Variants in TMEM178A observed in about 807,000 individuals in gnomAD.
TMEM178A encodes the protein transmembrane protein 178A.
In TMEM178A, 12 loss-of-function variants were observed where a neutral mutation model predicts 29.1. That is an observed-to-expected ratio of 0.41 (90% CI 0.26 to 0.67). TMEM178A has a LOEUF of 0.67. Among genes scored for constraint, TMEM178A ranks in the 30% least tolerant of loss-of-function variants. TMEM178A has a pLI of 0.29. For missense variants in TMEM178A, 366 were observed against 419.1 expected (o/e 0.87, Z 1.11); for synonymous variants, 210 against 187.2 (o/e 1.12, Z -0.99).
At chr2:39,710,420 C>T (rs1297091599) in intron 3 of TMEM178A, among the ~76,000 whole-genome samples, 1 of 152,034 alleles carries the variant, frequency 6.6e-6, no homozygotes, top group Non-Finnish European at 1.5e-5. Context: ...TGGACCAAAT[C>T]TTGCCATGTA....
chr2:39,714,467 G>T (rs1310738730), intron 3 of TMEM178A, among the ~76,000 whole-genome samples: 1 of 152,168 alleles, frequency 6.6e-6, no homozygotes, highest in African/African-American at 2.4e-5. Context: ...AGTGAGATTA[G>T]AAGCCAAAAG....
chr2:39,673,260 T>C (rs2540254), intron 1 of TMEM178A, among the ~76,000 whole-genome samples: 1 of 152,256 alleles, frequency 6.6e-6, no homozygotes, highest in East Asian at 1.9e-4. Context: ...CTGCACCCCA[T>C]CTTTCTTGCA....
intron 3 of TMEM178A, among the ~76,000 whole-genome samples, chr2:39,711,815 G>A (rs985849736): frequency 3.3e-5 from 5 of 152,046 alleles, no homozygotes; most frequent in African/African-American, 9.7e-5. Flanking sequence ...AGAGTAACAC[G>A]GTGCATATAT....
intron 1 of TMEM178A, among the ~76,000 whole-genome samples, chr2:39,677,538 G>A (rs1159854304): frequency 1.3e-5 from 2 of 152,164 alleles, no homozygotes; most frequent in East Asian, 3.8e-4. Flanking sequence ...ACTCATGTCT[G>A]TATTGGGCTT....
At chr2:39,723,184 G>A in the TMEM178A span, among the ~76,000 whole-genome samples, 1 of 152,202 alleles carries the variant, frequency 6.6e-6, no homozygotes, top group Non-Finnish European at 1.5e-5. Flanking sequence ...ACTTGCTTTA[G>A]AAACCTAGCC....
intron 1 of TMEM178A, among the ~76,000 whole-genome samples, chr2:39,672,627 A>G (rs998217173): frequency 6.6e-6 from 1 of 152,004 alleles, no homozygotes; most frequent in Admixed American, 6.5e-5. Flanking sequence ...GGCTCAGGTT[A>G]TCAGGTGATC....
chr2:39,716,015 C>T (rs1054348384), intron 3 of TMEM178A, among the ~76,000 whole-genome samples: 2 of 152,066 alleles, frequency 1.3e-5, no homozygotes, highest in Non-Finnish European at 2.9e-5. Context: ...CCTAAGGATG[C>T]CAAAGGAATT....
At chr2:39,681,238 T>C (rs536428890) in intron 1 of TMEM178A, among the ~76,000 whole-genome samples, 7 of 152,328 alleles carry the variant, frequency 4.6e-5, no homozygotes, top group Non-Finnish European at 7.3e-5. Flanking sequence ...GACCTGTTTT[T>C]ACTTAAATCC....
In TMEM178A at chr2:39,717,412, T is replaced by C; in HGVS notation, c.*161T>C. 9.6e-7 allele frequency: 1 copy of C among 1,036,962 alleles called. No individual in the cohort carries two copies. Among genetic ancestry groups the C allele is most frequent in the Non-Finnish European group, 1.4e-6 (1 of 739,836 alleles). 64.2% of individuals were successfully genotyped at this position (1,036,962 alleles called of 1,614,324 possible). On this transcript the variant is annotated 3_prime_UTR_variant, in exon 4 of 4. Transcript: ENST00000281961. ...ATCATGCAAAACCTCCCAACCTTTC[T>C]AAGGACAAGACTACTGTGGATTCAA...
intron 1 of TMEM178A, among the ~76,000 whole-genome samples, chr2:39,698,356 G>C (rs891074032): frequency 6.6e-6 from 1 of 152,100 alleles, no homozygotes; most frequent in Non-Finnish European, 1.5e-5. Flanking sequence ...TAGCTCACAG[G>C]GTTGTTGATG....
chr2:39,717,070 G>A lies in TMEM178A; in HGVS notation c.713G>A (p.Arg238Gln). The change falls in exon 4 of 4, where the codon CGG becomes CAG. Residue 238 changes from arginine (R) to glutamine (Q), a missense_variant. By Grantham distance (43) the Arg-to-Gln change is conservative. Coordinates refer to ENST00000281961, the MANE Select transcript of TMEM178A (RefSeq NM_152390.3). ...YAASISYDLNRLPKLIYSLPA... is the reference protein window; with the variant it reads ...YAASISYDLNQLPKLIYSLPA... ...GCCAGTATCTCGTATGATTTGAACC[G>A]GCTCCCAAAGCTAATTTATAGCCTG... The A allele has an allele frequency of 6.2e-7, 1 of 1,610,342 alleles. No individual in the cohort carries two copies. Among genetic ancestry groups the A allele is most frequent in the Non-Finnish European group, 8.5e-7 (1 of 1,179,390 alleles).
Position 39,666,306 on chromosome 2 carries a change from A to T in TMEM178A, c.332A>T (p.Tyr111Phe). 6.9e-7 allele frequency: 1 copy of T among 1,439,766 alleles called. No homozygotes were observed. The highest frequency in any genetic ancestry group is 1.4e-5 in the South Asian group (1 of 72,722). The allele number at this position is 1,439,766 out of a possible 1,614,324, so 89.2% of individuals were successfully genotyped here. Residue 111 changes from tyrosine (Y) to phenylalanine (F), a missense_variant, in exon 1 of 4, where the codon TAC (tyrosine) becomes TTC (phenylalanine). This residue lies in a region of TMEM178A where 247 missense variants were observed against 246.8 expected (regional missense o/e 1.00). Transcript: ENST00000281961. ...AECGRPLFAT[Y>F]SGLWRKCYFL... is the part of the protein sequence containing the mutation. Reference sequence around the variant, plus strand: ...TGCGGCCGGCCCCTCTTCGCCACCTACTCGGGCCTCTGGAGGAAGTGCTAC... The same window carrying T: ...TGCGGCCGGCCCCTCTTCGCCACCTTCTCGGGCCTCTGGAGGAAGTGCTAC...
chr2:39,674,483 G>T (rs74525440), intron 1 of TMEM178A, among the ~76,000 whole-genome samples: 2,979 of 152,274 alleles, frequency 0.02, 104 homozygotes, highest in African/African-American at 0.068. Context: ...AAAGGCATAA[G>T]AATGATACAA....
intron 3 of TMEM178A, among the ~76,000 whole-genome samples, chr2:39,710,351 C>T (rs1400814773): frequency 6.6e-6 from 1 of 152,138 alleles, no homozygotes; most frequent in African/African-American, 2.4e-5. Flanking sequence ...AGGGGGAATC[C>T]ACTTACAGAC....
chr2:39,696,777 G>C (rs943812014), intron 1 of TMEM178A, among the ~76,000 whole-genome samples: 7 of 152,108 alleles, frequency 4.6e-5, no homozygotes, highest in Non-Finnish European at 7.4e-5. Context: ...AAATTCACCA[G>C]GCAAAAAGCT....
chr2:39,724,943 CAAAT>C, the TMEM178A span, among the ~76,000 whole-genome samples: 1 of 152,158 alleles, frequency 6.6e-6, no homozygotes, highest in African/African-American at 2.4e-5. Context: ...ACATGTTTCT[CAAAT>C]AAACTGGACT....
downstream of TMEM178A, among the ~76,000 whole-genome samples, chr2:39,721,645 A>T (rs1486968124): frequency 6.6e-6 from 1 of 152,118 alleles, no homozygotes; most frequent in Non-Finnish European, 1.5e-5. Context: ...TTACTCTGGT[A>T]ATTGAAAACA....
At position 39,711,334 on chromosome 2, in the gene TMEM178A, T is replaced by C. The variant is rs553434575; in HGVS notation, c.652+4148T>C. 5.3e-5 allele frequency among the ~76,000 whole-genome samples: 8 copies of C among 152,362 alleles called. No homozygotes were observed. The East Asian group carries it at 1.5e-3, about 29-fold the overall frequency. On this transcript the variant is annotated intron_variant, in intron 3 of 3. Coordinates refer to ENST00000281961, the MANE Select transcript of TMEM178A (RefSeq NM_152390.3). Reference sequence around the variant, plus strand: ...AAGTTATAAATCTTTTAAAAGGTTATTCAGTGCAAACATTTTAAAACACTT... The same window carrying C: ...AAGTTATAAATCTTTTAAAAGGTTACTCAGTGCAAACATTTTAAAACACTT...
chr2:39,718,032 A>G (rs1672620852), downstream of TMEM178A: 1 of 151,054 alleles, frequency 6.6e-6, no homozygotes, highest in South Asian at 2.1e-4. Context: ...ACAGAGGAAA[A>G]CTCTGTTGTT....
Sources: gnomAD v4.1 joint callset for allele counts (sites outside exome capture counted in the v4.1 genomes callset) on GRCh38, gnomAD v4.1.1 for gene constraint, gnomAD v4.1.1 regional missense constraint, MANE v1.5 for transcripts, NCBI Gene and HGNC (gene_info 2026-07-23, HGNC 2026-07-21) for gene names.